The following SGCZ variants were observed in gnomAD, a reference collection of about 807,000 sequenced individuals.
SGCZ encodes the protein sarcoglycan zeta.
A neutral mutation model predicts 41.3 loss-of-function variants in SGCZ; 40 were observed. That is an observed-to-expected ratio of 0.97 (90% CI 0.75 to 1.26). SGCZ has a LOEUF of 1.26. Among genes scored for constraint, SGCZ ranks in the 50% most tolerant of loss-of-function variants. SGCZ has a pLI of 0.00. For synonymous variants in SGCZ, 206 were observed against 137.5 expected (o/e 1.50, Z -3.49); for missense variants, 552 against 369.8 (o/e 1.49, Z -4.04).
intron 1 of SGCZ, among the ~76,000 whole-genome samples, chr8:14,668,352 C>G (rs749106861): frequency 1.3e-5 from 2 of 152,064 alleles, no homozygotes; most frequent in Non-Finnish European, 2.9e-5. Context: ...TTTTTTCAGT[C>G]AAATCCTACA....
intron 1 of SGCZ, among the ~76,000 whole-genome samples, chr8:14,883,503 C>T (rs1194889352): frequency 6.6e-6 from 1 of 152,066 alleles, no homozygotes; most frequent in Non-Finnish European, 1.5e-5. Context: ...AGTTACTGAT[C>T]CAATCCTTAT....
chr8:15,021,852 C>T (rs1342196968), intron 1 of SGCZ, among the ~76,000 whole-genome samples: 1 of 152,140 alleles, frequency 6.6e-6, no homozygotes, highest in Non-Finnish European at 1.5e-5. Context: ...TACACCTTGA[C>T]CACCTCCTGG....
At chr8:14,489,971 G>C (rs1177631928) in intron 2 of SGCZ, among the ~76,000 whole-genome samples, 1 of 151,300 alleles carries the variant, frequency 6.6e-6, no homozygotes, top group African/African-American at 2.4e-5. Context: ...AGGTTCAAGA[G>C]ATTCTTGTGC....
intron 2 of SGCZ, among the ~76,000 whole-genome samples, chr8:14,331,603 C>T (rs962978862): frequency 2.0e-5 from 3 of 152,066 alleles, no homozygotes; most frequent in Admixed American, 1.3e-4. Flanking sequence ...ACCTCTAATT[C>T]AACTTGTACG....
In SGCZ at chr8:15,181,182, G is replaced by A. The variant is rs1368748053; in HGVS notation, c.39+56403C>T. ...CCCAAACAATTTTTACAGGAAAAAT[G>A]TTTATTAAATAAAGAAAACAAGTTA... is the stretch of plus-strand genomic sequence containing the variant. On this transcript the variant is annotated intron_variant, in intron 1 of 7. Coordinates refer to ENST00000382080, the MANE Select transcript of SGCZ (RefSeq NM_139167.4). Among the ~76,000 whole-genome samples the A allele has an allele frequency of 2.6e-5, 4 of 152,184 alleles. No homozygotes were observed. The South Asian group carries it at 6.2e-4, about 24-fold the overall frequency.
intron 1 of SGCZ, among the ~76,000 whole-genome samples, chr8:14,856,231 T>C (rs1322500596): frequency 1.3e-5 from 2 of 152,112 alleles, no homozygotes; most frequent in Admixed American, 1.3e-4. Flanking sequence ...TCAATGAAAA[T>C]AAATAGAAGA....
chr8:14,253,650 T>C (rs1322222985), intron 3 of SGCZ, among the ~76,000 whole-genome samples: 1 of 152,094 alleles, frequency 6.6e-6, no homozygotes, highest in Non-Finnish European at 1.5e-5. Flanking sequence ...TCTAGTAAAT[T>C]TGCAGACTCT....
chr8:15,005,322 C>CTT (rs1491143870), intron 1 of SGCZ, among the ~76,000 whole-genome samples: 1 of 116,280 alleles, frequency 8.6e-6, no homozygotes, highest in African/African-American at 3.7e-5. Context: ...CCGTTTTTTT[C>CTT]TTTTTCTTTT....
chr8:14,692,736 A>G (rs1236795128), intron 1 of SGCZ, among the ~76,000 whole-genome samples: 2 of 152,184 alleles, frequency 1.3e-5, no homozygotes, highest in Admixed American at 1.3e-4. Flanking sequence ...TTTTATATCT[A>G]TCTTAGACAA....
intron 1 of SGCZ, among the ~76,000 whole-genome samples, chr8:14,613,673 T>A (rs1470003970): frequency 6.6e-6 from 1 of 152,236 alleles, no homozygotes; most frequent in Non-Finnish European, 1.5e-5. Context: ...AAACTACTGT[T>A]AAAATAATTG....
In SGCZ at chr8:14,401,393, C is replaced by G. The variant is rs1001324933; in HGVS notation, c.235-77189G>C. ...TGCTGGTGTGCTACACCCAATAACT[C>G]GTCATCTAGCATTAGGTATATCTCC... On this transcript the variant is annotated intron_variant, in intron 2 of 7. Transcript: ENST00000382080. 7.2e-4 allele frequency among the ~76,000 whole-genome samples: 107 copies of G among 148,912 alleles called. 1 individual carries two copies. Among genetic ancestry groups the G allele is most frequent in the Non-Finnish European group, 9.9e-4 (67 of 67,490 alleles).
intron 1 of SGCZ, among the ~76,000 whole-genome samples, chr8:14,950,955 T>A (rs988264775): frequency 6.6e-4 from 100 of 152,114 alleles, no homozygotes; most frequent in African/African-American, 2.4e-3. Context: ...AAGTTTTGAA[T>A]GTAGATGTAA....
intron 2 of SGCZ, among the ~76,000 whole-genome samples, chr8:14,515,439 T>A (rs981220451): frequency 6.6e-6 from 1 of 152,112 alleles, no homozygotes; most frequent in Non-Finnish European, 1.5e-5. Context: ...TACGCATCAA[T>A]ATGTATCTTG....
chr8:14,883,554 G>C (rs553893293), intron 1 of SGCZ, among the ~76,000 whole-genome samples: 8 of 151,970 alleles, frequency 5.3e-5, no homozygotes, highest in Non-Finnish European at 1.0e-4. Flanking sequence ...GAATTCACTT[G>C]TCCAAGATCA....
intron 1 of SGCZ, among the ~76,000 whole-genome samples, chr8:14,579,669 A>G (rs1032150799): frequency 5.3e-5 from 8 of 152,224 alleles, no homozygotes; most frequent in African/African-American, 7.2e-5. Flanking sequence ...TTTCCCTACT[A>G]TTCTCTGCTT....
chr8:14,720,123 T>C (rs1341242767), intron 1 of SGCZ, among the ~76,000 whole-genome samples: 1 of 152,006 alleles, frequency 6.6e-6, no homozygotes, highest in Non-Finnish European at 1.5e-5. Flanking sequence ...GACTTATATT[T>C]TTTTCTTTTC....
intron 3 of SGCZ, among the ~76,000 whole-genome samples, chr8:14,263,645 C>T (rs1343987239): frequency 1.3e-5 from 2 of 152,096 alleles, no homozygotes; most frequent in Non-Finnish European, 1.5e-5. Flanking sequence ...TAAGACCCTC[C>T]AGTGATCATC....
At chr8:15,044,383 C>G (rs1453588173) in intron 1 of SGCZ, among the ~76,000 whole-genome samples, 1 of 152,128 alleles carries the variant, frequency 6.6e-6, no homozygotes, top group Non-Finnish European at 1.5e-5. Flanking sequence ...AGTGAGAAAG[C>G]TGAAACTCTT....
At chr8:15,013,780 TATA>T (rs1454644768) in intron 1 of SGCZ, among the ~76,000 whole-genome samples, 1 of 152,164 alleles carries the variant, frequency 6.6e-6, no homozygotes, top group Admixed American at 6.5e-5. Context: ...GAATAGTAGT[TATA>T]ATTAAGAAAA....
Sources: allele counts gnomAD v4.1 joint callset (sites outside exome capture counted in the v4.1 genomes callset), GRCh38; gene constraint gnomAD v4.1.1; transcripts MANE v1.5; gene names NCBI Gene and HGNC (gene_info 2026-07-23, HGNC 2026-07-21).